The following GLDC variants were observed in gnomAD, a reference collection of about 807,000 sequenced individuals.
The protein encoded by GLDC is glycine decarboxylase, also known as glycine dehydrogenase (decarboxylating), mitochondrial.
In GLDC, 104 loss-of-function variants were observed where a neutral mutation model predicts 121.3. The observed-to-expected ratio is 0.86, with a 90% CI of 0.73 to 1.01. The LOEUF (loss-of-function observed/expected upper bound fraction) is 1.01, where lower values mean the gene tolerates loss of function less well. GLDC is among the 50% of genes least tolerant of loss of function. The probability of loss-of-function intolerance (pLI) is 0.00; values close to 1 mark genes in which losing one functional copy is unlikely to be tolerated. For missense variants in GLDC, 1,429 were observed against 1,306.6 expected, an observed-to-expected ratio of 1.09 and a Z score of -1.44; for synonymous variants, 546 against 480.6, an observed-to-expected ratio of 1.14 and a Z score of -1.78.
rs1378922294 is a variant in GLDC at position 6,536,324 on chromosome 9, T to A, written c.2666-88A>T. On this transcript the variant is annotated intron_variant, in intron 22 of 24. Coordinates refer to ENST00000321612, the MANE Select transcript of GLDC (RefSeq NM_000170.3). The stretch of plus-strand genomic sequence containing the variant: ...AAAGTTCGTATCCCTTCTTATATTT[T>A]ATCCTAAGAAAATCATCAGATACAT... 4 of 1,105,340 alleles carry A rather than the reference T, an allele frequency of 3.6e-6. No individual in the cohort carries two copies. In the Admixed American group the frequency reaches 7.9e-5, roughly 22 times the overall value. The allele number at this position is 1,105,340 out of a possible 1,614,324, so 68.5% of individuals were successfully genotyped here. A position where few individuals can be genotyped will look rare whatever the true frequency, so the allele number is the denominator to read the frequency against.
intron 2 of GLDC, among the ~76,000 whole-genome samples, chr9:6,627,069 G>T (rs1354214739): frequency 1.3e-5 from 2 of 152,140 alleles, no homozygotes; most frequent in Non-Finnish European, 2.9e-5. Context: ...GCTGAGGCGG[G>T]TGGATCACAA....
intron 18 of GLDC, chr9:6,555,034 A>G: frequency 1.8e-6 from 1 of 551,984 alleles, no homozygotes; most frequent in African/African-American, 1.9e-5. Context: ...ATTTAAAAAT[A>G]TGGATTTGAA....
chr9:6,621,071 G>A (rs1320841991), intron 2 of GLDC, among the ~76,000 whole-genome samples: 3 of 152,194 alleles, frequency 2.0e-5, no homozygotes, highest in Non-Finnish European at 2.9e-5. Context: ...TTGGGAGGCT[G>A]AGGTGGAAGG....
At chr9:6,610,499 G>A (rs1818829983) in intron 3 of GLDC, 143 bp from the exon 4 acceptor site, 1 of 768,644 alleles carries the variant, frequency 1.3e-6, no homozygotes, top group Admixed American at 2.0e-5. Flanking sequence ...GCTTCTTTTT[G>A]GCCTTTGTAA....
At chr9:6,644,412 C>G in intron 2 of GLDC, 3 of 622,248 alleles carry the variant, frequency 4.8e-6, no homozygotes, top group Non-Finnish European at 8.6e-6. Context: ...AACACCGACT[C>G]TCTCCTAACA....
intron 2 of GLDC, 131 bp downstream of exon 2, chr9:6,644,483 C>A (rs1362758075): frequency 1.4e-6 from 1 of 714,992 alleles, no homozygotes; most frequent in African/African-American, 1.7e-5. Flanking sequence ...AGGTACCCGC[C>A]ACTGTTTTAT....
chr9:6,619,035 C>T (rs547749981), intron 3 of GLDC, among the ~76,000 whole-genome samples: 8 of 150,456 alleles, frequency 5.3e-5, no homozygotes, highest in Middle Eastern at 3.5e-3. Flanking sequence ...CCCAGCTACT[C>T]GGGAGGCTGA....
intron 2 of GLDC, among the ~76,000 whole-genome samples, chr9:6,644,028 TC>T (rs1819682064): frequency 1.7e-4 from 1 of 5,742 alleles, no homozygotes; most frequent in African/African-American, 1.9e-3. Flanking sequence ...AGATTCTGTC[TC>T]AAAAAAAAAA....
intron 15 of GLDC, among the ~76,000 whole-genome samples, chr9:6,577,983 C>G (rs969949334): frequency 2.0e-5 from 3 of 151,868 alleles, no homozygotes; most frequent in African/African-American, 7.3e-5. Context: ...GGCACCATCA[C>G]AGTTCACTGC....
intron 14 of GLDC, among the ~76,000 whole-genome samples, chr9:6,587,593 G>A (rs1818296193): frequency 1.3e-5 from 2 of 152,158 alleles, no homozygotes; most frequent in Admixed American, 1.3e-4. Context: ...GTTGCTTCAG[G>A]TATGGTTGGC....
intron 2 of GLDC, among the ~76,000 whole-genome samples, chr9:6,620,632 T>C (rs1385377317): frequency 1.3e-5 from 2 of 152,216 alleles, no homozygotes; most frequent in Non-Finnish European, 2.9e-5. Flanking sequence ...GTTCCCTTTC[T>C]ATTTCTGCTG....
At chr9:6,541,610 G>T (rs1428783917) in intron 21 of GLDC, 2 of 151,642 alleles carry the variant, frequency 1.3e-5, no homozygotes, top group South Asian at 4.2e-4. Context: ...ATCACTTGAG[G>T]TCAGGAGTTC....
intron 17 of GLDC, 66 bp from the exon 18 acceptor site, chr9:6,556,368 C>T (rs781463814): frequency 1.1e-5 from 15 of 1,315,106 alleles, no homozygotes; most frequent in Admixed American, 8.4e-5. Flanking sequence ...GCCAAATCCT[C>T]GCCTTTCATT....
At chr9:6,537,623 A>C (rs1392929618) in intron 22 of GLDC, among the ~76,000 whole-genome samples, 3 of 152,218 alleles carry the variant, frequency 2.0e-5, no homozygotes, top group Admixed American at 2.0e-4. Context: ...TCTACAAAAA[A>C]TACAAAAATT....
intron 21 of GLDC, among the ~76,000 whole-genome samples, chr9:6,550,158 C>T (rs997961656): frequency 4.6e-5 from 7 of 152,212 alleles, no homozygotes; most frequent in African/African-American, 1.7e-4. Context: ...CCTGCCTCTA[C>T]CCAGTCTGAG....
chr9:6,638,158 C>A (rs1819547371), intron 2 of GLDC, among the ~76,000 whole-genome samples: 1 of 151,964 alleles, frequency 6.6e-6, no homozygotes, highest in South Asian at 2.1e-4. Context: ...TGCATTTCTC[C>A]ATTTCCTTTT....
chr9:6,592,732 A>G, intron 10 of GLDC, 119 bp downstream of exon 10: 1 of 915,546 alleles, frequency 1.1e-6, no homozygotes, highest in Non-Finnish European at 1.7e-6. Context: ...TGTTTATGAA[A>G]AAATAGGACT....
intron 15 of GLDC, chr9:6,585,207 C>T (rs920946287): frequency 5.9e-5 from 9 of 152,184 alleles, no homozygotes; most frequent in African/African-American, 1.9e-4. Context: ...TTAGGTCAGT[C>T]TTCTGGGATC....
At chr9:6,561,011 A>G (rs1817746133) in intron 16 of GLDC, among the ~76,000 whole-genome samples, 1 of 152,240 alleles carries the variant, frequency 6.6e-6, no homozygotes, top group South Asian at 2.1e-4. Flanking sequence ...AGGCCTGCAG[A>G]TGCCAGGAAA....
Sources: gnomAD v4.1 joint callset for allele counts (sites outside exome capture counted in the v4.1 genomes callset) on GRCh38, gnomAD v4.1.1 for gene constraint, MANE v1.5 for transcripts, NCBI Gene and HGNC (gene_info 2026-07-23, HGNC 2026-07-21) for gene names.